Variants in EIF2B3 observed in about 807,000 individuals in gnomAD.
The protein encoded by EIF2B3 is eukaryotic translation initiation factor 2B subunit gamma, also known as translation initiation factor eIF2B subunit gamma.
EIF2B3 carries 20 observed loss-of-function variants against 54.1 expected under a neutral mutation model. That is an observed-to-expected ratio of 0.37 (90% CI 0.26 to 0.54). The LOEUF (loss-of-function observed/expected upper bound fraction) is 0.54. Ranked by LOEUF, EIF2B3 falls within the 20% of genes least tolerant of loss-of-function variation. The pLI, the probability that EIF2B3 is intolerant of heterozygous loss-of-function variation, is 0.86. For missense variants in EIF2B3, 448 were observed against 547.8 expected, an observed-to-expected ratio of 0.82 and a Z score of 1.82; for synonymous variants, 153 against 188.1, an observed-to-expected ratio of 0.81 and a Z score of 1.52.
In EIF2B3 at chr1:44,875,612, A is replaced by C. The variant is rs377659612; in HGVS notation, c.1053+6T>G. On this transcript the variant is annotated splice_donor_region_variant and intron_variant, in intron 9 of 11. Coordinates refer to ENST00000360403, the MANE Select transcript of EIF2B3 (RefSeq NM_020365.5). Reference sequence around the variant, plus strand: ...TCATGCCCGTCCTGGCCACACTAGCACTTACCAGGTGTTTGCTGACAATCT... The same window carrying C: ...TCATGCCCGTCCTGGCCACACTAGCCCTTACCAGGTGTTTGCTGACAATCT... 9.3e-6 allele frequency: 15 copies of C among 1,613,748 alleles called. No homozygotes were observed. The highest frequency in any genetic ancestry group is 1.2e-5 in the Non-Finnish European group (14 of 1,179,758).
intron 6 of EIF2B3, among the ~76,000 whole-genome samples, chr1:44,889,177 C>G (rs1655708684): frequency 6.6e-6 from 1 of 152,122 alleles, no homozygotes; most frequent in Admixed American, 6.5e-5. Flanking sequence ...TGGTTAAGTT[C>G]AAAAGCCAGA....
chr1:44,958,606 T>A, intron 3 of EIF2B3: 1 of 1,488,286 alleles, frequency 6.7e-7, no homozygotes, highest in Non-Finnish European at 9.3e-7. Flanking sequence ...AAGTGTGGCA[T>A]CAAACTCTAT....
chr1:44,877,365 T>C (rs548280408), intron 8 of EIF2B3, among the ~76,000 whole-genome samples: 4 of 152,116 alleles, frequency 2.6e-5, no homozygotes, highest in African/African-American at 4.8e-5. Flanking sequence ...GATGGCCTTA[T>C]TGTCAGTCTC....
At chr1:44,967,507 G>A (rs1309090486) in intron 3 of EIF2B3, among the ~76,000 whole-genome samples, 1 of 151,856 alleles carries the variant, frequency 6.6e-6, no homozygotes, top group Non-Finnish European at 1.5e-5. Context: ...TTGGGATGCC[G>A]AGGCAGGCGG....
intron 4 of EIF2B3, among the ~76,000 whole-genome samples, chr1:44,934,897 G>T (rs1643931171): frequency 6.6e-6 from 1 of 152,318 alleles, no homozygotes; most frequent in Non-Finnish European, 1.5e-5. Flanking sequence ...TGGTAGTACA[G>T]CTTCAAGAGA....
chr1:44,939,770 G>A (rs150049347), intron 4 of EIF2B3, among the ~76,000 whole-genome samples: 77 of 152,054 alleles, frequency 5.1e-4, no homozygotes, highest in Middle Eastern at 3.4e-3. Context: ...TGAAAAGGGA[G>A]AAAATTTAAA....
At chr1:44,892,227 A>T (rs959289499) in intron 6 of EIF2B3, among the ~76,000 whole-genome samples, 1 of 152,190 alleles carries the variant, frequency 6.6e-6, no homozygotes, top group Non-Finnish European at 1.5e-5. Context: ...CACAGGATTT[A>T]GAATTCTCTG....
chr1:44,908,993 G>A (rs1282740569), intron 5 of EIF2B3, among the ~76,000 whole-genome samples: 1 of 152,192 alleles, frequency 6.6e-6, no homozygotes, highest in African/African-American at 2.4e-5. Flanking sequence ...ATGGAAGAAT[G>A]AAGAGTGGTT....
At chr1:44,978,761 C>T (rs1644481706) in intron 2 of EIF2B3, among the ~76,000 whole-genome samples, 1 of 150,746 alleles carries the variant, frequency 6.6e-6, no homozygotes, top group Admixed American at 6.6e-5. Context: ...CTCAGCCTCC[C>T]AAGTAGCTGA....
intron 4 of EIF2B3, among the ~76,000 whole-genome samples, chr1:44,930,047 T>TA (rs1210556593): frequency 2.6e-5 from 4 of 151,650 alleles, no homozygotes; most frequent in Admixed American, 2.0e-4. Context: ...GAACTTCTAT[T>TA]AAAAAAAAAG....
At chr1:44,903,237 T>G (rs984368706) in intron 5 of EIF2B3, among the ~76,000 whole-genome samples, 2 of 152,212 alleles carry the variant, frequency 1.3e-5, no homozygotes, top group Admixed American at 1.3e-4. Context: ...AATATGTCCA[T>G]GAAAGACAAA....
At chr1:44,981,890 T>C (rs545008682) in intron 1 of EIF2B3, among the ~76,000 whole-genome samples, 18 of 144,374 alleles carry the variant, frequency 1.2e-4, no homozygotes, top group South Asian at 8.6e-4. Flanking sequence ...TGAGCCGAGA[T>C]TGAGATTGGA....
At chr1:44,933,149 G>A (rs1643912119) in intron 4 of EIF2B3, among the ~76,000 whole-genome samples, 2 of 151,848 alleles carry the variant, frequency 1.3e-5, no homozygotes, top group African/African-American at 4.8e-5. Context: ...TTGAATTAGT[G>A]ACAAATACAT....
intron 3 of EIF2B3, among the ~76,000 whole-genome samples, chr1:44,974,173 AT>A (rs879618727): frequency 0.066 from 9,683 of 145,790 alleles, 1,037 homozygotes; most frequent in African/African-American, 0.22. Flanking sequence ...CAATGAGACA[AT>A]TTTTTTTTTT....
chr1:44,931,849 G>T (rs1306603831), intron 4 of EIF2B3, among the ~76,000 whole-genome samples: 1 of 152,240 alleles, frequency 6.6e-6, no homozygotes, highest in African/African-American at 2.4e-5. Flanking sequence ...GGGCATGGTG[G>T]CTCACGCCTA....
At chr1:44,956,150 G>A (rs1437749155) in intron 3 of EIF2B3, among the ~76,000 whole-genome samples, 3 of 152,208 alleles carry the variant, frequency 2.0e-5, no homozygotes, top group Non-Finnish European at 2.9e-5. Context: ...TAAAGAAAAT[G>A]TGGCACTTAT....
At chr1:44,978,666 T>G (rs977608271) in intron 2 of EIF2B3, among the ~76,000 whole-genome samples, 18 of 124,732 alleles carry the variant, frequency 1.4e-4, no homozygotes, top group African/African-American at 5.4e-4. Flanking sequence ...AGACAGGGTC[T>G]CACTCTGCCA....
In EIF2B3 at chr1:44,926,305, A is replaced by T. The variant is rs1643849014; in HGVS notation, c.566+323T>A. On this transcript the variant is annotated intron_variant, in intron 5 of 11. Transcript: ENST00000360403. ...AAAAAAACAAAGGTTACAATGGTAC[A>T]TTTTATGTCATGTGTTTTTTTTACC... Among the ~76,000 whole-genome samples the T allele has an allele frequency of 2.0e-5, 3 of 152,122 alleles. No individual in the cohort carries two copies. In the South Asian group the frequency reaches 6.2e-4, roughly 32 times the overall value.
intron 3 of EIF2B3, among the ~76,000 whole-genome samples, chr1:44,971,752 G>T (rs933358459): frequency 6.6e-6 from 1 of 152,152 alleles, no homozygotes; most frequent in Admixed American, 6.6e-5. Flanking sequence ...AAAAAAATAG[G>T]CTGGGTGAGG....
Sources: allele counts gnomAD v4.1 joint callset (sites outside exome capture counted in the v4.1 genomes callset), GRCh38; gene constraint gnomAD v4.1.1; transcripts MANE v1.5; gene names NCBI Gene and HGNC (gene_info 2026-07-23, HGNC 2026-07-21).